The following DDX17 variants were observed in gnomAD, a reference collection of about 807,000 sequenced individuals.
DDX17 encodes the protein DEAD-box helicase 17, also known as probable ATP-dependent RNA helicase DDX17.
A neutral mutation model predicts 80.8 loss-of-function variants in DDX17; 10 were observed. The ratio of observed to expected loss-of-function variants is 0.12; its 90% CI spans 0.08 to 0.21. The LOEUF (loss-of-function observed/expected upper bound fraction) is 0.21. Ranked by LOEUF, DDX17 falls within the 10% of genes least tolerant of loss-of-function variation. The pLI is 1.00. For missense variants in DDX17, 586 were observed against 957.4 expected, an observed-to-expected ratio of 0.61 and a Z score of 5.12; for synonymous variants, 339 against 336.2, an observed-to-expected ratio of 1.01 and a Z score of -0.09.
rs777602938 is a variant in DDX17, at chr22:38,493,774, A to G, written c.1326-3T>C. On this transcript the variant is annotated splice_region_variant and splice_polypyrimidine_tract_variant and intron_variant, in intron 9 of 12. Transcript: ENST00000403230. ...CATGGATACACATAGCTGGCCAACT[A>G]TCAGAAGAAAAGTGACCAATATTTT... 1.1e-5 allele frequency: 18 copies of G among 1,613,170 alleles called. No homozygotes were observed. Among genetic ancestry groups the G allele is most frequent in the Non-Finnish European group, 8.5e-7 (1 of 1,179,292 alleles).
intron 5 of DDX17, 57 bp downstream of exon 5, chr22:38,498,028 A>C: frequency 2.6e-6 from 4 of 1,537,604 alleles, no homozygotes; most frequent in Non-Finnish European, 3.6e-6. Context: ...ACCAAGCCTA[A>C]ATAGTCGCTA....
intron 5 of DDX17, among the ~76,000 whole-genome samples, chr22:38,497,458 A>G (rs1447678395): frequency 6.6e-6 from 1 of 151,300 alleles, no homozygotes. Context: ...TCTCTACTAA[A>G]AATACAAACA....
rs2089791084 is a variant in DDX17, at chr22:38,498,354, T to C, written c.672+86A>G. 6.4e-6 allele frequency: 10 copies of C among 1,569,644 alleles called. No homozygotes were observed. The Admixed American group carries it at 1.3e-4, about 20-fold the overall frequency. On this transcript the variant is annotated intron_variant, in intron 4 of 12. Transcript: ENST00000403230. Reference sequence around the variant, plus strand: ...TAGTATCTAACTATCTGAATGGCACTTCTACGAAGAACTGAGAACGTATGA... The same window carrying C: ...TAGTATCTAACTATCTGAATGGCACCTCTACGAAGAACTGAGAACGTATGA...
rs1228489380 is a variant in DDX17 at position 38,483,831 on chromosome 22, T to C, written c.*2104A>G. ...GAAGCCAACAGCAGAACCTGAATTATAAGTGACAGACATGGAGGCAGAAGA... is the reference window on the plus strand; with the variant it reads ...GAAGCCAACAGCAGAACCTGAATTACAAGTGACAGACATGGAGGCAGAAGA... On this transcript the variant is annotated 3_prime_UTR_variant, in exon 13 of 13. Transcript: ENST00000403230. 2 of 152,214 alleles carry C rather than the reference T, an allele frequency of 1.3e-5. No individual in the cohort carries two copies. The highest frequency in any genetic ancestry group is 6.5e-5 in the Admixed American group (1 of 15,278). The allele number at this position is 152,214 out of a possible 1,614,324, so 9.4% of individuals were successfully genotyped here.
Position 38,489,989 on chromosome 22 carries a change from C to A in DDX17, c.1448-1874G>T, listed in dbSNP as rs922730422. 2 of 1,014,682 alleles carry A rather than the reference C, an allele frequency of 2.0e-6. No homozygotes were observed. The highest frequency in any genetic ancestry group is 3.5e-5 in the African/African-American group (2 of 57,836). 62.9% of individuals were successfully genotyped at this position (1,014,682 alleles called of 1,614,324 possible). On this transcript the variant is annotated intron_variant, in intron 11 of 12. Coordinates refer to ENST00000403230, the MANE Select transcript of DDX17 (RefSeq NM_006386.5). This position sits in a 1 kb window ranked among gnomAD's most constrained non-coding sequence, Gnocchi z 4.6. ...AGTGTGCTTTCCTAGCAGAAAGCAC[C>A]AGGGTGGAGTCAACAGTTCACATGC...
intron 4 of DDX17, 79 bp from the exon 5 acceptor site, chr22:38,498,229 T>C (rs1028058240): frequency 1.1e-4 from 170 of 1,519,054 alleles, no homozygotes; most frequent in Middle Eastern, 5.2e-4. Flanking sequence ...ACTGAATTAA[T>C]GCATAAATAG....
rs545900701 is a variant in DDX17 at position 38,489,060 on chromosome 22, T to G, written c.1448-945A>C. ...TTAGTGTAATGCTTTCAGCTGAATG[T>G]ATATTTTTACCTACTTAAACAAACA... On this transcript the variant is annotated intron_variant, in intron 11 of 12. Coordinates refer to ENST00000403230, the MANE Select transcript of DDX17 (RefSeq NM_006386.5). This position sits in a 1 kb window ranked among gnomAD's most constrained non-coding sequence, Gnocchi z 4.6. The G allele has an allele frequency of 1.0e-6, 1 of 984,242 alleles. No individual in the cohort carries two copies. Among genetic ancestry groups the G allele is most frequent in the African/African-American group, 1.7e-5 (1 of 57,204 alleles). 61.0% of individuals were successfully genotyped at this position (984,242 alleles called of 1,614,324 possible). A position where few individuals can be genotyped will look rare whatever the true frequency, so the allele number is the denominator to read the frequency against.
chr22:38,494,589 T>C (rs1293189828), intron 8 of DDX17, 41 bp downstream of exon 8: 1 of 1,594,408 alleles, frequency 6.3e-7, no homozygotes, highest in Admixed American at 1.7e-5. Flanking sequence ...TTAGAAAAGG[T>C]TTATCAGCAT....
At chr22:38,498,403 AC>A in intron 4 of DDX17, 36 bp downstream of exon 4, 1 of 1,610,792 alleles carries the variant, frequency 6.2e-7, no homozygotes, top group Non-Finnish European at 8.5e-7. Context: ...AAAATAAGTT[AC>A]CACAATATCA....
chr22:38,505,951 C>T lies in DDX17; in HGVS notation c.287G>A (p.Gly96Glu). The T allele has an allele frequency of 1.3e-6, 2 of 1,574,104 alleles. No individual in the cohort carries two copies. The highest frequency in any genetic ancestry group is 1.7e-6 in the Non-Finnish European group (2 of 1,160,036). ...CTCTCCTCTCCTCCCCCACCCTTAC[C>T]CTCCACGGTCACGATCCCGGTCCCG... The change falls in exon 1 of 13, where the codon GGA (glycine) becomes GAA (glutamate). Residue 96 changes from glycine (G) to glutamate (E), a missense_variant and splice_region_variant. Gly to Glu is a moderately conservative substitution (Grantham distance 98, BLOSUM62 -2). Around this residue, in one of 4 missense-constraint regions of DDX17, gnomAD observed 215 missense variants for 238.4 expected, o/e 0.90. Coordinates refer to ENST00000403230, the MANE Select transcript of DDX17 (RefSeq NM_006386.5).
chr22:38,498,416 G>C (rs1213592987), intron 4 of DDX17, 24 bp downstream of exon 4: 2 of 1,612,982 alleles, frequency 1.2e-6, no homozygotes, highest in Non-Finnish European at 1.7e-6. Context: ...ACAATATCAA[G>C]GATCTTCTCT....
intron 1 of DDX17, among the ~76,000 whole-genome samples, chr22:38,502,472 CT>C (rs948381922): frequency 6.6e-6 from 1 of 150,566 alleles, no homozygotes; most frequent in Non-Finnish European, 1.5e-5. Flanking sequence ...TTGATCTCTA[CT>C]TTTACCTTCT....
chr22:38,498,208 A>C, intron 4 of DDX17, 58 bp from the exon 5 acceptor site: 1 of 1,553,986 alleles, frequency 6.4e-7, no homozygotes, highest in Non-Finnish European at 8.9e-7. Flanking sequence ...TTACTTAGAT[A>C]CTTAGTAATT....
At chr22:38,494,289 T>G (rs1173016233) in intron 8 of DDX17, 158 bp from the exon 9 acceptor site, 8 of 614,620 alleles carry the variant, frequency 1.3e-5, no homozygotes, top group African/African-American at 1.3e-4. Flanking sequence ...TTCTGCTATG[T>G]GCTCAAGAAA....
At chr22:38,498,658 A>C in intron 3 of DDX17, 85 bp from the exon 4 acceptor site, 1 of 1,444,584 alleles carries the variant, frequency 6.9e-7, no homozygotes, top group Non-Finnish European at 9.5e-7. Flanking sequence ...AGCTCACTGA[A>C]GATAAGATTT....
intron 2 of DDX17, among the ~76,000 whole-genome samples, chr22:38,499,719 G>A (rs535167250): frequency 1.3e-5 from 2 of 152,024 alleles, no homozygotes; most frequent in African/African-American, 2.4e-5. Context: ...ATTTTCTATA[G>A]GAGAAAAAAG....
chr22:38,488,245 C>A (rs2145686934), intron 11 of DDX17, 130 bp from the exon 12 acceptor site: 1 of 1,571,780 alleles, frequency 6.4e-7, no homozygotes, highest in South Asian at 1.2e-5. Context: ...AAGTTAGTAA[C>A]CACTCTGAAC....
At chr22:38,504,617 T>C (rs1191048741) in intron 1 of DDX17, among the ~76,000 whole-genome samples, 1 of 152,166 alleles carries the variant, frequency 6.6e-6, no homozygotes, top group Admixed American at 6.6e-5. Flanking sequence ...TTTTCCTTCC[T>C]AATAAGGTAT....
At chr22:38,503,957 A>G (rs2089855417) in intron 1 of DDX17, among the ~76,000 whole-genome samples, 1 of 152,246 alleles carries the variant, frequency 6.6e-6, no homozygotes, top group African/African-American at 2.4e-5. Flanking sequence ...AAATTTTTAA[A>G]AAATGTCATC....
Sources: allele counts gnomAD v4.1 joint callset (sites outside exome capture counted in the v4.1 genomes callset), GRCh38; gene constraint gnomAD v4.1.1; regional missense constraint gnomAD v4.1.1; non-coding constraint Gnocchi (gnomAD v3.1); transcripts MANE v1.5; gene names NCBI Gene and HGNC (gene_info 2026-07-23, HGNC 2026-07-21).